Variants in GLCE observed in about 807,000 individuals in gnomAD.
GLCE encodes D-glucuronyl C5-epimerase.
In GLCE, 19 loss-of-function variants were observed where a neutral mutation model predicts 47.9. The ratio of observed to expected loss-of-function variants is 0.40; its 90% CI spans 0.28 to 0.58. GLCE has a LOEUF of 0.58. GLCE is among the 20% of genes least tolerant of loss of function. The pLI, the probability that GLCE is intolerant of heterozygous loss-of-function variation, is 0.48. For synonymous variants in GLCE, 245 were observed against 263.4 expected, an observed-to-expected ratio of 0.93 and a Z score of 0.68; for missense variants, 556 against 743.3, an observed-to-expected ratio of 0.75 and a Z score of 2.93.
intron 1 of GLCE, among the ~76,000 whole-genome samples, chr15:69,193,395 A>G (rs1015063175): frequency 8.5e-5 from 13 of 152,148 alleles, no homozygotes; most frequent in African/African-American, 3.1e-4. Flanking sequence ...AAATCTCCCT[A>G]TAAACATTGC....
rs143027550 is a variant in GLCE at position 69,257,103 on chromosome 15, G to A, written c.586+711G>A. ...TTAAGATCTTAATATTTTAAAATCTGTATTGAAGTAAGTTTTTAACTAACT... is the reference window on the plus strand; with the variant it reads ...TTAAGATCTTAATATTTTAAAATCTATATTGAAGTAAGTTTTTAACTAACT... On this transcript the variant is annotated intron_variant, in intron 3 of 4. Transcript: ENST00000261858. Among the ~76,000 whole-genome samples, 170 of 152,270 alleles carry A rather than the reference G, an allele frequency of 1.1e-3. 2 individuals carry two copies. In the East Asian group the frequency reaches 0.03, roughly 27 times the overall value.
At chr15:69,200,440 G>A (rs1472184369) in intron 1 of GLCE, among the ~76,000 whole-genome samples, 1 of 152,164 alleles carries the variant, frequency 6.6e-6, no homozygotes, top group Non-Finnish European at 1.5e-5. Flanking sequence ...CTATTCTGTT[G>A]TGTCGTTTTA....
At chr15:69,169,253 T>A (rs2051550073) in intron 1 of GLCE, among the ~76,000 whole-genome samples, 1 of 152,222 alleles carries the variant, frequency 6.6e-6, no homozygotes, top group African/African-American at 2.4e-5. Context: ...TTGGGCTGTT[T>A]CCAGTGTTTA....
Position 69,252,619 on chromosome 15 carries a change from C to T in GLCE, c.-13-3175C>T, listed in dbSNP as rs192873677. The stretch of plus-strand genomic sequence containing the variant: ...CCAAACTATATCAGTAGCCTTGTTC[C>T]ATAAGCAGGGTTGCAGGCATGCGAG... On this transcript the variant is annotated intron_variant, in intron 2 of 4. Coordinates refer to ENST00000261858, the MANE Select transcript of GLCE (RefSeq NM_015554.3). Among the ~76,000 whole-genome samples the T allele has an allele frequency of 3.7e-3, 564 of 152,260 alleles. 4 individuals are homozygous for T. The highest frequency in any genetic ancestry group is 0.017 in the Middle Eastern group (5 of 294).
intron 1 of GLCE, among the ~76,000 whole-genome samples, chr15:69,183,569 T>A (rs1392481849): frequency 1.3e-5 from 2 of 152,206 alleles, no homozygotes; most frequent in African/African-American, 4.8e-5. Context: ...TTCGACAATA[T>A]ATAGTCAATC....
chr15:69,214,218 A>G (rs371698231), intron 2 of GLCE, among the ~76,000 whole-genome samples: 25 of 152,162 alleles, frequency 1.6e-4, no homozygotes, highest in African/African-American at 5.5e-4. Flanking sequence ...TAGGCCTTTC[A>G]GGAGTCAGAG....
intron 1 of GLCE, among the ~76,000 whole-genome samples, chr15:69,173,818 G>A (rs996511689): frequency 2.0e-5 from 3 of 152,138 alleles, no homozygotes; most frequent in African/African-American, 7.2e-5. Flanking sequence ...ATACCTTCCT[G>A]ATAATCAAAA....
In GLCE at chr15:69,260,361, G is replaced by A. The variant is rs145271012; in HGVS notation, c.587-726G>A. 4.8e-3 allele frequency among the ~76,000 whole-genome samples: 703 copies of A among 146,096 alleles called. 10 individuals carry two copies. The highest frequency in any genetic ancestry group is 0.017 in the African/African-American group (682 of 39,512). ...TGCAACCCCTGCCTCCTGGGTTCAAGTGATTCTCCTGTCTCAGCCTCCCAA... is the reference window on the plus strand; with the variant it reads ...TGCAACCCCTGCCTCCTGGGTTCAAATGATTCTCCTGTCTCAGCCTCCCAA... On this transcript the variant is annotated intron_variant, in intron 3 of 4. Coordinates refer to ENST00000261858, the MANE Select transcript of GLCE (RefSeq NM_015554.3).
chr15:69,257,788 TTACTA>T (rs959816036), intron 3 of GLCE, among the ~76,000 whole-genome samples: 2 of 152,014 alleles, frequency 1.3e-5, no homozygotes, highest in African/African-American at 2.4e-5. Context: ...GTAATGATGT[TTACTA>T]TACAGTGATT....
intron 1 of GLCE, among the ~76,000 whole-genome samples, chr15:69,162,305 T>C (rs899343694): frequency 3.3e-5 from 5 of 149,942 alleles, no homozygotes; most frequent in Non-Finnish European, 7.4e-5. Flanking sequence ...CTTGTATGTA[T>C]GTGTATTGGT....
chr15:69,264,807 A>C (rs2053063216), intron 4 of GLCE, among the ~76,000 whole-genome samples: 1 of 152,102 alleles, frequency 6.6e-6, no homozygotes, highest in South Asian at 2.1e-4. Flanking sequence ...GATGTTGAGC[A>C]CCTTTTTATA....
Position 69,218,538 on chromosome 15 carries a change from A to C in GLCE, c.-14+8132A>C, listed in dbSNP as rs377663643. ...AAAAAGAAAAGTGATGAGAAGTGTT[A>C]GAAAATCTCTCTAAACTTAAGCCTG... is the stretch of plus-strand genomic sequence containing the variant. On this transcript the variant is annotated intron_variant, in intron 2 of 4. Transcript: ENST00000261858. Among the ~76,000 whole-genome samples, 11 of 152,304 alleles carry C rather than the reference A, an allele frequency of 7.2e-5. No individual in the cohort carries two copies. The East Asian group carries it at 1.4e-3, about 19-fold the overall frequency.
At position 69,243,134 on chromosome 15, in the gene GLCE, T is replaced by C. The variant is rs16953003; in HGVS notation, c.-13-12660T>C. Reference sequence around the variant, plus strand: ...AAGAAAAAAAGAAAACTGGAATTGCTTTGGTGTCCTGTTAGGGGTAAGACT... The same window carrying C: ...AAGAAAAAAAGAAAACTGGAATTGCCTTGGTGTCCTGTTAGGGGTAAGACT... On this transcript the variant is annotated intron_variant, in intron 2 of 4. Coordinates refer to ENST00000261858, the MANE Select transcript of GLCE (RefSeq NM_015554.3). Among the ~76,000 whole-genome samples, 557 of 151,166 alleles carry C rather than the reference T, an allele frequency of 3.7e-3. 4 individuals carry two copies. The highest frequency in any genetic ancestry group is 0.012 in the African/African-American group (476 of 41,206).
At chr15:69,166,109 G>A (rs1460888573) in intron 1 of GLCE, among the ~76,000 whole-genome samples, 2 of 152,204 alleles carry the variant, frequency 1.3e-5, no homozygotes, top group Admixed American at 1.3e-4. Flanking sequence ...TCATTATTTG[G>A]TAGATATTTT....
rs559564386 is a variant in GLCE, at chr15:69,188,928, G to A, written c.-104-21388G>A. ...AGTTTTAGGTTCACAGCAAAATTGA[G>A]TGGAAAATACAGAGTTCTTATATCC... On this transcript the variant is annotated intron_variant, in intron 1 of 4. Transcript: ENST00000261858. Among the ~76,000 whole-genome samples the A allele has an allele frequency of 5.3e-5, 8 of 152,222 alleles. No homozygotes were observed. In the South Asian group the frequency reaches 1.7e-3, roughly 32 times the overall value.
chr15:69,256,117 A>T lies in GLCE; in HGVS notation c.311A>T (p.Tyr104Phe), dbSNP rs757241878. ...NVGSKVLGLK[Y>F]EEIDCLINDE... ...GGAAGTAAGGTGTTAGGGCTCAAAT[A>T]TGAAGAAATTGACTGTCTCATAAAT... Residue 104 changes from tyrosine (Y) to phenylalanine (F), a missense_variant, in exon 3 of 5, where the codon TAT becomes TTT. Physicochemically the swap from Tyr to Phe is conservative, Grantham distance 22. Coordinates refer to ENST00000261858, the MANE Select transcript of GLCE (RefSeq NM_015554.3). The T allele has an allele frequency of 1.9e-6, 3 of 1,614,140 alleles. No individual in the cohort carries two copies. Among genetic ancestry groups the T allele is most frequent in the Admixed American group, 1.7e-5 (1 of 60,024 alleles).
chr15:69,237,034 A>G (rs1010586917), intron 2 of GLCE, among the ~76,000 whole-genome samples: 2 of 152,188 alleles, frequency 1.3e-5, no homozygotes, highest in African/African-American at 4.8e-5. Flanking sequence ...TATTACTCTT[A>G]TGTATCTTTA....
intron 1 of GLCE, among the ~76,000 whole-genome samples, chr15:69,177,939 A>C (rs913291981): frequency 6.6e-6 from 1 of 152,354 alleles, no homozygotes. Flanking sequence ...ATGTATAAAT[A>C]ATTCATTCAT....
intron 2 of GLCE, among the ~76,000 whole-genome samples, chr15:69,215,932 A>G (rs2052301057): frequency 6.6e-6 from 1 of 152,132 alleles, no homozygotes; most frequent in Non-Finnish European, 1.5e-5. Flanking sequence ...TGATCAGCCA[A>G]GTAGATAGTC....
Sources: allele counts gnomAD v4.1 joint callset (sites outside exome capture counted in the v4.1 genomes callset), GRCh38; gene constraint gnomAD v4.1.1; transcripts MANE v1.5; gene names NCBI Gene and HGNC (gene_info 2026-07-23, HGNC 2026-07-21).